Variants in VPS13D observed in about 807,000 individuals in gnomAD.
VPS13D encodes the protein vacuolar protein sorting 13 homolog D.
In VPS13D, 187 loss-of-function variants were observed where a neutral mutation model predicts 461.9. The ratio of observed to expected loss-of-function variants is 0.40; its 90% CI spans 0.36 to 0.46. The LOEUF is 0.46. VPS13D is among the 20% of genes least tolerant of loss of function. VPS13D has a pLI of 0.60. For missense variants in VPS13D, 4,711 were observed against 5,364.9 expected, an observed-to-expected ratio of 0.88 and a Z score of 3.81; for synonymous variants, 1,951 against 1,986.3, an observed-to-expected ratio of 0.98 and a Z score of 0.47.
At chr1:12,396,435 C>T (rs948895179) in intron 60 of VPS13D, among the ~76,000 whole-genome samples, 6 of 152,142 alleles carry the variant, frequency 3.9e-5, no homozygotes, top group African/African-American at 1.4e-4. Context: ...TGGCAGAGTA[C>T]TGTTAGTGTG....
chr1:12,302,890 T>G (rs1375005609), intron 25 of VPS13D, among the ~76,000 whole-genome samples: 1 of 151,486 alleles, frequency 6.6e-6, no homozygotes, highest in East Asian at 1.9e-4. Flanking sequence ...TTATTTTATA[T>G]CCTTAAATCT....
chr1:12,355,782 T>A, intron 47 of VPS13D, 117 bp from the exon 48 acceptor site: 1 of 1,053,380 alleles, frequency 9.5e-7, no homozygotes, highest in Non-Finnish European at 1.3e-6. Flanking sequence ...AATGAAGATT[T>A]TTGCAGTTAG....
intron 40 of VPS13D, among the ~76,000 whole-genome samples, chr1:12,341,108 A>G (rs558309763): frequency 1.3e-5 from 2 of 152,256 alleles, no homozygotes; most frequent in African/African-American, 2.4e-5. Flanking sequence ...ACATTCCCTG[A>G]TTAGAAGCTT....
Position 12,348,881 on chromosome 1 carries a change from G to A in VPS13D, c.9128G>A (p.Arg3043Gln), listed in dbSNP as rs780603720. ...GCAGTGACTATGGAAGGCAGTGCAC[G>A]GAAAGTCATCACTGTCCGGTCAGCC... ...VFAVTMEGSA[R>Q]KVITVRSALI... The change falls in exon 45 of 70, where the codon CGG becomes CAG. Residue 3043 changes from arginine to glutamine, a missense_variant. Arg to Gln is a conservative substitution (Grantham distance 43). Around this residue, in one of 3 missense-constraint regions of VPS13D, gnomAD observed 4,411 missense variants for 4,937.8 expected, o/e 0.89. Coordinates refer to ENST00000620676, the MANE Select transcript of VPS13D (RefSeq NM_015378.4). The A allele has an allele frequency of 2.4e-5, 38 of 1,614,036 alleles. No individual in the cohort carries two copies. The highest frequency in any genetic ancestry group is 6.7e-5 in the African/African-American group (5 of 74,894).
At chr1:12,271,917 C>T (rs1440523125) in intron 17 of VPS13D, among the ~76,000 whole-genome samples, 1 of 151,952 alleles carries the variant, frequency 6.6e-6, no homozygotes, top group Non-Finnish European at 1.5e-5. Context: ...GTAGGCTGGG[C>T]AAGGTGGCCC....
chr1:12,275,528 T>C (rs780046807), intron 18 of VPS13D, among the ~76,000 whole-genome samples: 3 of 152,114 alleles, frequency 2.0e-5, no homozygotes, highest in Non-Finnish European at 4.4e-5. Context: ...CTCACGCCCA[T>C]GGCAAGGCAG....
chr1:12,351,669 G>A (rs555461414), intron 46 of VPS13D, among the ~76,000 whole-genome samples: 5 of 151,596 alleles, frequency 3.3e-5, no homozygotes, highest in African/African-American at 1.2e-4. Flanking sequence ...TTGGCTCACT[G>A]CAGCCTCCGC....
chr1:12,325,823 G>A (rs1643167198), intron 35 of VPS13D, among the ~76,000 whole-genome samples: 1 of 151,790 alleles, frequency 6.6e-6, no homozygotes, highest in African/African-American at 2.4e-5. Context: ...TTCTTTACTT[G>A]TTATTCAATA....
chr1:12,308,813 G>A (rs1266406301), intron 27 of VPS13D, among the ~76,000 whole-genome samples, 172 bp downstream of exon 27: 4 of 151,794 alleles, frequency 2.6e-5, no homozygotes, highest in East Asian at 1.9e-4. Context: ...TACCATGCCC[G>A]GCTAATTTTT....
chr1:12,283,772 A>G, intron 21 of VPS13D, 36 bp downstream of exon 21: 1 of 1,559,454 alleles, frequency 6.4e-7, no homozygotes, highest in Non-Finnish European at 8.7e-7. Context: ...TTAAGCTCTA[A>G]AAATGGATTT....
intron 39 of VPS13D, chr1:12,336,088 GC>G: frequency 2.6e-6 from 1 of 386,636 alleles, no homozygotes; most frequent in Non-Finnish European, 4.8e-6. Flanking sequence ...TGGTAATAAT[GC>G]ATATGAACTG....
chr1:12,483,425 C>T (rs771486978), intron 67 of VPS13D, among the ~76,000 whole-genome samples: 24 of 151,958 alleles, frequency 1.6e-4, no homozygotes, highest in Admixed American at 8.5e-4. Context: ...AATTACATTG[C>T]GTATTCTTTG....
intron 65 of VPS13D, among the ~76,000 whole-genome samples, chr1:12,451,480 G>A (rs1377386444): frequency 6.6e-6 from 1 of 152,220 alleles, no homozygotes; most frequent in Non-Finnish European, 1.5e-5. Context: ...AGGACATTTT[G>A]TTCCTTGGAA....
At chr1:12,322,492 C>T in intron 33 of VPS13D, 44 bp from the exon 34 acceptor site, 3 of 1,589,716 alleles carry the variant, frequency 1.9e-6, no homozygotes, top group Non-Finnish European at 2.6e-6. Context: ...GATGTAAAAC[C>T]AATGCAGCTT....
intron 31 of VPS13D, among the ~76,000 whole-genome samples, chr1:12,318,599 A>C (rs1642951721): frequency 6.6e-6 from 1 of 152,034 alleles, no homozygotes; most frequent in Admixed American, 6.5e-5. Context: ...CCGCCTGGGC[A>C]GTGGTCTTTT....
chr1:12,384,370 A>AT (rs1644322551), intron 58 of VPS13D, among the ~76,000 whole-genome samples: 3 of 152,214 alleles, frequency 2.0e-5, no homozygotes, highest in African/African-American at 7.2e-5. Flanking sequence ...AGGGATGAAC[A>AT]TGGAGCAGAC....
intron 65 of VPS13D, among the ~76,000 whole-genome samples, chr1:12,429,059 C>T (rs1644960701): frequency 6.6e-6 from 1 of 151,640 alleles, no homozygotes; most frequent in Admixed American, 6.6e-5. Flanking sequence ...TATTTATTTG[C>T]ATCCCAGAGT....
chr1:12,233,708 C>T (rs1316763862), intron 1 of VPS13D, among the ~76,000 whole-genome samples: 1 of 152,194 alleles, frequency 6.6e-6, no homozygotes, highest in African/African-American at 2.4e-5. Context: ...GTTTGGCCCT[C>T]CAGTTACTGA....
At position 12,396,759 on chromosome 1, in the gene VPS13D, G is replaced by A. The variant is rs1010670829; in HGVS notation, c.11635-3422G>A. Among the ~76,000 whole-genome samples, 3 of 152,264 alleles carry A rather than the reference G, an allele frequency of 2.0e-5. No homozygotes were observed. The East Asian group carries it at 5.8e-4, about 29-fold the overall frequency. On this transcript the variant is annotated intron_variant, in intron 60 of 69. Transcript: ENST00000620676. ...CTTTTATTATATATCACGAATAACA[G>A]AGAATTCAGGCTAATCGTATCCTAT...
Sources: gnomAD v4.1 joint callset for allele counts (sites outside exome capture counted in the v4.1 genomes callset) on GRCh38, gnomAD v4.1.1 for gene constraint, gnomAD v4.1.1 regional missense constraint, MANE v1.5 for transcripts, NCBI Gene and HGNC (gene_info 2026-07-23, HGNC 2026-07-21) for gene names.